PPFIA3: variants seen among roughly 807,000 people sequenced by gnomAD.
The protein encoded by PPFIA3 is PPFI scaffold protein A3, also known as liprin-alpha-3.
In PPFIA3, 26 loss-of-function variants were observed where a neutral mutation model predicts 145.8. The observed-to-expected ratio is 0.18, with a 90% CI of 0.13 to 0.25. The LOEUF (loss-of-function observed/expected upper bound fraction) is 0.25. PPFIA3 is among the 10% of genes least tolerant of loss of function. PPFIA3 has a pLI of 1.00. For synonymous variants in PPFIA3, 645 were observed against 661.4 expected, an observed-to-expected ratio of 0.98 and a Z score of 0.38; for missense variants, 1,008 against 1,587.8, an observed-to-expected ratio of 0.63 and a Z score of 6.21.
chr19:49,148,715 CG>C lies in PPFIA3; in HGVS notation c.3063del (p.Lys1022ArgfsTer17). On this transcript the variant is annotated frameshift_variant, in exon 25 of 30. Coordinates refer to ENST00000334186, the MANE Select transcript of PPFIA3 (RefSeq NM_003660.4). LOFTEE classifies it high-confidence loss of function. Reference sequence around the variant, plus strand: ...GTGCCTGAAACGGCTCAACTATGACCGGAAGGACCTGGAGCGGAGGCGGGAA... The same window carrying C: ...GTGCCTGAAACGGCTCAACTATGACCGAAGGACCTGGAGCGGAGGCGGGAA... ...IMCLKRLNYD[R>X]KDLERRREES... The C allele has an allele frequency of 1.2e-6, 2 of 1,614,028 alleles. No homozygotes were observed.
At chr19:49,124,786 C>T (rs2040976751) in intron 1 of PPFIA3, among the ~76,000 whole-genome samples, 1 of 152,110 alleles carries the variant, frequency 6.6e-6, no homozygotes, top group Non-Finnish European at 1.5e-5. Context: ...CATGTTGGGG[C>T]TGGGCGCGGT....
chr19:49,136,708 C>T lies in PPFIA3; in HGVS notation c.1666-16C>T, dbSNP rs1049132654. The T allele has an allele frequency of 4.9e-6, 7 of 1,423,998 alleles. No individual in the cohort carries two copies. The African/African-American group carries it at 8.5e-5, about 17-fold the overall frequency. The allele number at this position is 1,423,998 out of a possible 1,614,324, so 88.2% of individuals were successfully genotyped here. On this transcript the variant is annotated splice_polypyrimidine_tract_variant and intron_variant, in intron 14 of 29. Transcript: ENST00000334186. Reference sequence around the variant, plus strand: ...CCCCAGCCACCTAATGTCCCTCTGTCCCCACACAGGGATAGGATTGGGAGC... The same window carrying T: ...CCCCAGCCACCTAATGTCCCTCTGTTCCCACACAGGGATAGGATTGGGAGC...
chr19:49,146,003 C>T lies in PPFIA3; in HGVS notation c.2806C>T (p.Pro936Ser), dbSNP rs1448396885. Residue 936 changes from proline to serine, a missense_variant and splice_region_variant, in exon 22 of 30, where the codon CCC (proline) becomes TCC (serine). Transcript: ENST00000334186. Reference sequence around the variant, plus strand: ...GGAGTCCCTTACGGCCACGACCAAGCCCGTGAGTGCCCCCTGCCGGCCGCC... The same window carrying T: ...GGAGTCCCTTACGGCCACGACCAAGTCCGTGAGTGCCCCCTGCCGGCCGCC... Reference protein sequence around the residue: ...EMESLTATTKPETKEISWEQI... With the variant: ...EMESLTATTKSETKEISWEQI... 6.2e-7 allele frequency: 1 copy of T among 1,614,048 alleles called. No individual in the cohort carries two copies. Among genetic ancestry groups the T allele is most frequent in the Non-Finnish European group, 8.5e-7 (1 of 1,179,936 alleles).
chr19:49,145,208 C>A (rs1427061784), intron 21 of PPFIA3, among the ~76,000 whole-genome samples: 1 of 151,904 alleles, frequency 6.6e-6, no homozygotes, highest in Admixed American at 6.6e-5. Context: ...CTAGACCACT[C>A]TCAGCCTAAT....
chr19:49,149,941 G>T lies in PPFIA3; in HGVS notation c.3527-139G>T. Reference sequence around the variant, plus strand: ...CGCCCAATGCGAGTTTGAGTCCTTGGCTGCGGGGAAGGGAGGGAAACCCAT... The same window carrying T: ...CGCCCAATGCGAGTTTGAGTCCTTGTCTGCGGGGAAGGGAGGGAAACCCAT... On this transcript the variant is annotated intron_variant, in intron 28 of 29. Transcript: ENST00000334186. This position sits in a 1 kb window ranked among gnomAD's most constrained non-coding sequence, Gnocchi z 5.7. The T allele has an allele frequency of 8.4e-7, 1 of 1,194,856 alleles. No individual in the cohort carries two copies. The highest frequency in any genetic ancestry group is 1.2e-6 in the Non-Finnish European group (1 of 854,208). The allele number at this position is 1,194,856 out of a possible 1,614,324, so 74.0% of individuals were successfully genotyped here. A position where few individuals can be genotyped will look rare whatever the true frequency, so the allele number is the denominator to read the frequency against.
At chr19:49,147,931 G>C in intron 23 of PPFIA3, 152 bp from the exon 24 acceptor site, 1 of 730,252 alleles carries the variant, frequency 1.4e-6, no homozygotes, top group East Asian at 2.7e-5. Flanking sequence ...AGACAACTCT[G>C]GATTGGTCCA....
intron 7 of PPFIA3, among the ~76,000 whole-genome samples, chr19:49,131,246 G>A (rs1175306280): frequency 7.1e-6 from 1 of 140,132 alleles, no homozygotes; most frequent in Non-Finnish European, 1.5e-5. Flanking sequence ...TTGGCTCACT[G>A]CAACCTCTGC....
At chr19:49,126,954 T>G (rs2041006012) in intron 1 of PPFIA3, among the ~76,000 whole-genome samples, 1 of 151,736 alleles carries the variant, frequency 6.6e-6, no homozygotes, top group Non-Finnish European at 1.5e-5. Flanking sequence ...ACCTCAGTTT[T>G]CCCAAATCCT....
intron 23 of PPFIA3, 111 bp downstream of exon 23, chr19:49,146,303 TG>T (rs1003708052): frequency 9.6e-6 from 13 of 1,349,654 alleles, no homozygotes; most frequent in East Asian, 4.8e-5. Flanking sequence ...ATCATCCCCA[TG>T]GGGGGGCGCT....
At position 49,129,471 on chromosome 19, in the gene PPFIA3, GAC is replaced by G. The variant is rs764301328; in HGVS notation, c.582+19_582+20del. 9 of 1,551,572 alleles carry G rather than the reference GAC, an allele frequency of 5.8e-6. No homozygotes were observed. Among genetic ancestry groups the G allele is most frequent in the Middle Eastern group, 2.2e-4 (1 of 4,576 alleles). On this transcript the variant is annotated intron_variant, in intron 5 of 29. Coordinates refer to ENST00000334186, the MANE Select transcript of PPFIA3 (RefSeq NM_003660.4). The stretch of plus-strand genomic sequence containing the variant: ...AATCAGGAGGTGTGGGTGTGGCCAA[GAC>G]AGGGAATTTGAATCCAAGGGGAGGG...
rs2041337676 is a variant in PPFIA3 at position 49,150,650 on chromosome 19, G to C, written c.*428G>C. 1 of 153,726 alleles carries C rather than the reference G, an allele frequency of 6.5e-6. No individual in the cohort carries two copies. The highest frequency in any genetic ancestry group is 2.4e-5 in the African/African-American group (1 of 41,478). The allele number at this position is 153,726 out of a possible 1,614,324, so 9.5% of individuals were successfully genotyped here. On this transcript the variant is annotated 3_prime_UTR_variant, in exon 30 of 30. Coordinates refer to ENST00000334186, the MANE Select transcript of PPFIA3 (RefSeq NM_003660.4). ...AGTCTTCCTTCTTCGTCCGAAAGGA[G>C]GGGAGGGGGGACTCGCTGCTACAAG... is the stretch of plus-strand genomic sequence containing the variant.
In PPFIA3 at chr19:49,128,472, AG is replaced by A. The variant is rs771544989; in HGVS notation, c.342+8del. 13 of 910,972 alleles carry A rather than the reference AG, an allele frequency of 1.4e-5. No homozygotes were observed. The Admixed American group carries it at 3.8e-4, about 26-fold the overall frequency. The allele number at this position is 910,972 out of a possible 1,614,324, so 56.4% of individuals were successfully genotyped here. A position where few individuals can be genotyped will look rare whatever the true frequency, so the allele number is the denominator to read the frequency against. ...GGCGGAACGGAACAACACGCGGGTG[AG>A]GGGTGTTGAGGGCGGGGCCTAAGTG... On this transcript the variant is annotated splice_donor_5th_base_variant and intron_variant, in intron 3 of 29. Transcript: ENST00000334186. This position sits in a 1 kb window ranked among gnomAD's most constrained non-coding sequence, Gnocchi z 4.1.
chr19:49,147,938 TC>T (rs1418384720), intron 23 of PPFIA3, 144 bp from the exon 24 acceptor site: 3 of 782,202 alleles, frequency 3.8e-6, no homozygotes, highest in Non-Finnish European at 6.1e-6. Flanking sequence ...TCTGGATTGG[TC>T]CATTATCCTG....
rs377727409 is a variant in PPFIA3 at position 49,120,855 on chromosome 19, C to G, written c.-16+1133C>G. Among the ~76,000 whole-genome samples, 9 of 152,304 alleles carry G rather than the reference C, an allele frequency of 5.9e-5. 1 individual carries two copies. Among genetic ancestry groups the G allele is most frequent in the African/African-American group, 2.2e-4 (9 of 41,574 alleles). On this transcript the variant is annotated intron_variant, in intron 1 of 29. Transcript: ENST00000334186. The surrounding 1 kb of genome is among the most constrained non-coding windows in gnomAD (Gnocchi z 4.6). ...TTTACTGAGGCTGTCTGCCTCAACC[C>G]TCTCTCCAAACAAGACCTCAGGCTC...
Position 49,148,741 on chromosome 19 carries a change from A to C in PPFIA3, c.3087A>C (p.Glu1029Asp). 1 of 1,613,954 alleles carries C rather than the reference A, an allele frequency of 6.2e-7. No individual in the cohort carries two copies. Among genetic ancestry groups the C allele is most frequent in the East Asian group, 2.2e-5 (1 of 44,870 alleles). ...GGAAGGACCTGGAGCGGAGGCGGGAAGAAAGTCAGACCCAGATCCGAGGTG... is the reference window on the plus strand; with the variant it reads ...GGAAGGACCTGGAGCGGAGGCGGGACGAAAGTCAGACCCAGATCCGAGGTG... Reference protein sequence around the residue: ...YDRKDLERRREESQTQIRDVM... With the variant: ...YDRKDLERRRDESQTQIRDVM... Residue 1029 changes from glutamate (E) to aspartate (D), a missense_variant, in exon 25 of 30, where the codon GAA (glutamate) becomes GAC (aspartate). By Grantham distance (45) the Glu-to-Asp change is conservative (BLOSUM62 2). This residue lies in a region of PPFIA3 where 154 missense variants were observed against 369.2 expected (regional missense o/e 0.42). Coordinates refer to ENST00000334186, the MANE Select transcript of PPFIA3 (RefSeq NM_003660.4).
rs200281071 is a variant in PPFIA3 at position 49,149,066 on chromosome 19, C to T, written c.3183C>T (p.Asn1061=). 9 of 1,614,068 alleles carry T rather than the reference C, an allele frequency of 5.6e-6. No homozygotes were observed. The highest frequency in any genetic ancestry group is 7.6e-6 in the Non-Finnish European group (9 of 1,180,050). Residue 1061 remains asparagine, a synonymous_variant, in exon 26 of 30, where the codon AAC becomes AAT. Coordinates refer to ENST00000334186, the MANE Select transcript of PPFIA3 (RefSeq NM_003660.4). This position sits in a 1 kb window ranked among gnomAD's most constrained non-coding sequence, Gnocchi z 5.7. ...SGLGLKEFAT[N]LTESGVHGAL... ...TGGGCCTGAAGGAATTTGCCACGAACCTCACGGAGAGCGGGGTACACGGGG... is the reference window on the plus strand; with the variant it reads ...TGGGCCTGAAGGAATTTGCCACGAATCTCACGGAGAGCGGGGTACACGGGG...
At chr19:49,132,980 G>C in intron 7 of PPFIA3, 21 bp from the exon 8 acceptor site, 1 of 1,606,268 alleles carries the variant, frequency 6.2e-7, no homozygotes. Flanking sequence ...CAGTCCACGG[G>C]GCCCTTTGCT....
In PPFIA3 at chr19:49,134,233, C is replaced by T. The variant is rs565901005; in HGVS notation, c.1377+68C>T. ...CTACCTCTTGCTGGAATCCTGGGGC[C>T]CCAGGCCTTTCCCTCAGATCTGTTA... On this transcript the variant is annotated intron_variant, in intron 11 of 29. Transcript: ENST00000334186. 1.9e-5 allele frequency: 29 copies of T among 1,535,954 alleles called. No individual in the cohort carries two copies. In the Admixed American group the frequency reaches 2.1e-4, roughly 11 times the overall value.
chr19:49,149,633 T>C lies in PPFIA3; in HGVS notation c.3441T>C (p.Ala1147=). The C allele has an allele frequency of 6.2e-7, 1 of 1,613,552 alleles. No individual in the cohort carries two copies. Among genetic ancestry groups the C allele is most frequent in the Non-Finnish European group, 8.5e-7 (1 of 1,179,482 alleles). Residue 1147 remains alanine, a synonymous_variant, in exon 28 of 30, where the codon GCT becomes GCC. Coordinates refer to ENST00000334186, the MANE Select transcript of PPFIA3 (RefSeq NM_003660.4). This position sits in a 1 kb window ranked among gnomAD's most constrained non-coding sequence, Gnocchi z 5.7. The part of the protein sequence containing the change: ...KDLRGVTPDS[A]EMLPPNFRSA... Reference sequence around the variant, plus strand: ...TCCGAGGCGTAACTCCCGACTCAGCTGAGATGTTGCCCCCCAACTTTCGTT... The same window carrying C: ...TCCGAGGCGTAACTCCCGACTCAGCCGAGATGTTGCCCCCCAACTTTCGTT...
Sources: gnomAD v4.1 joint callset for allele counts (sites outside exome capture counted in the v4.1 genomes callset) on GRCh38, gnomAD v4.1.1 for gene constraint, gnomAD v4.1.1 regional missense constraint, Gnocchi (gnomAD v3.1) non-coding constraint, MANE v1.5 for transcripts, NCBI Gene and HGNC (gene_info 2026-07-23, HGNC 2026-07-21) for gene names.